LGI4: variants seen among roughly 807,000 people sequenced by gnomAD.
The protein encoded by LGI4 is leucine rich repeat LGI family member 4, also known as leucine-rich repeat LGI family member 4.
Under a neutral mutation model 48.3 loss-of-function variants are expected in LGI4, and 36 were observed. The observed-to-expected ratio is 0.75, with a 90% confidence interval of 0.57 to 0.98. The LOEUF (loss-of-function observed/expected upper bound fraction) is 0.98. Among genes scored for constraint, LGI4 ranks in the 50% least tolerant of loss-of-function variants. The pLI is 0.00. For missense variants in LGI4, 701 were observed against 732.1 expected (o/e 0.96, Z 0.49); for synonymous variants, 355 against 331.6 (o/e 1.07, Z -0.77).
Position 35,125,512 on chromosome 19 carries a change from G to A in LGI4, c.1300-5C>T. ...GGAGCCGTCCCAGCGCATGACCTGT[G>A]GGGGTGTGGCCAGTGAGGGCCTGGG... is the stretch of plus-strand genomic sequence containing the variant. On this transcript the variant is annotated splice_polypyrimidine_tract_variant and splice_region_variant and intron_variant, in intron 8 of 8. Transcript: ENST00000310123. 1 of 1,539,438 alleles carries A rather than the reference G, an allele frequency of 6.5e-7. No homozygotes were observed. Among genetic ancestry groups the A allele is most frequent in the Non-Finnish European group, 8.8e-7 (1 of 1,138,986 alleles).
chr19:35,131,806 C>A lies in LGI4; in HGVS notation c.441G>T (p.Leu147=). ...ETLPRFLFRG[L]DTLTHVDLRG... ...AGCCTCACACATGAGTAAGGGTGTC[C>A]AGGCCTCGGAACAGGAATCTGGGGA... The change falls in exon 5 of 9, where the codon CTG becomes CTT. Residue 147 remains leucine, a synonymous_variant. Transcript: ENST00000310123. 6.4e-7 allele frequency: 1 copy of A among 1,567,556 alleles called. No homozygotes were observed. The highest frequency in any genetic ancestry group is 8.7e-7 in the Non-Finnish European group (1 of 1,155,532).
intron 6 of LGI4, 82 bp downstream of exon 6, chr19:35,131,303 GC>G (rs1568395987): frequency 6.7e-7 from 1 of 1,492,722 alleles, no homozygotes; most frequent in South Asian, 1.2e-5. Flanking sequence ...AAATGGCAGG[GC>G]AGGGAGTGAG....
chr19:35,127,889 G>T (rs1188910312), intron 6 of LGI4, among the ~76,000 whole-genome samples: 1 of 152,212 alleles, frequency 6.6e-6, no homozygotes, highest in East Asian at 1.9e-4. Flanking sequence ...CAGGAGAGAG[G>T]ATTGGAGCTG....
At position 35,126,492 on chromosome 19, in the gene LGI4, G is replaced by A. The variant is rs767396166; in HGVS notation, c.1077C>T (p.His359=). 9.0e-6 allele frequency: 14 copies of A among 1,558,546 alleles called. No homozygotes were observed. Among genetic ancestry groups the A allele is most frequent in the East Asian group, 2.3e-5 (1 of 42,666 alleles). ...GPGFYPHQSL[H]AWHRDTDAEA... The stretch of plus-strand genomic sequence containing the variant: ...CAGCGTCCGTGTCCCGGTGCCAGGC[G>A]TGCAGGCTCTGGTGCGGGTAAAAGC... Residue 359 remains histidine (H), a synonymous_variant, in exon 8 of 9, where the codon CAC becomes CAT. Coordinates refer to ENST00000310123, the MANE Select transcript of LGI4 (RefSeq NM_139284.3).
In LGI4 at chr19:35,125,138, C is replaced by T; in HGVS notation, c.*55G>A. On this transcript the variant is annotated 3_prime_UTR_variant, in exon 9 of 9. Transcript: ENST00000310123. Reference sequence around the variant, plus strand: ...CCATCACCCCAAGTAGGGCCAGGAGCCAGCCAAGGGGCCGTCCAGGGGCCC... The same window carrying T: ...CCATCACCCCAAGTAGGGCCAGGAGTCAGCCAAGGGGCCGTCCAGGGGCCC... The T allele has an allele frequency of 1.4e-6, 2 of 1,457,256 alleles. No individual in the cohort carries two copies. Among genetic ancestry groups the T allele is most frequent in the Non-Finnish European group, 1.8e-6 (2 of 1,088,598 alleles). The allele number at this position is 1,457,256 out of a possible 1,614,324, so 90.3% of individuals were successfully genotyped here.
rs763609114 is a variant in LGI4, at chr19:35,125,424, G to A, written c.1383C>T (p.Ile461=). The change falls in exon 9 of 9, where the codon ATC becomes ATT. Residue 461 remains isoleucine, a synonymous_variant. Transcript: ENST00000310123. ...RGAHVFQPLL[I]ARDQLAILGS... ...CTAGGATGGCCAGCTGGTCCCTGGC[G>A]ATGAGCAGTGGCTGGAAGACGTGGG... 2.3e-5 allele frequency: 37 copies of A among 1,609,354 alleles called. No homozygotes were observed. The East Asian group carries it at 4.2e-4, about 18-fold the overall frequency.
chr19:35,134,482 T>C (rs1227283139), intron 1 of LGI4, 29 bp downstream of exon 1: 2 of 1,562,060 alleles, frequency 1.3e-6, no homozygotes, highest in Admixed American at 3.9e-5. Flanking sequence ...CGTCCCCACC[T>C]TCGGGCATGC....
At chr19:35,133,648 C>A (rs866906776) in intron 3 of LGI4, 45 bp downstream of exon 3, 1 of 1,552,832 alleles carries the variant, frequency 6.4e-7, no homozygotes, top group South Asian at 1.2e-5. Context: ...AGAAGGGTCC[C>A]TCCTTGCCCA....
intron 1 of LGI4, 33 bp from the exon 2 acceptor site, chr19:35,134,137 C>T: frequency 6.5e-7 from 1 of 1,538,338 alleles, no homozygotes; most frequent in Non-Finnish European, 8.8e-7. Context: ...GTGAGAGGGA[C>T]ACCACAGCAA....
Position 35,134,884 on chromosome 19 carries a change from T to C in LGI4, c.-204A>G, listed in dbSNP as rs2065199315. On this transcript the variant is annotated 5_prime_UTR_variant, in exon 1 of 9. Coordinates refer to ENST00000310123, the MANE Select transcript of LGI4 (RefSeq NM_139284.3). Reference sequence around the variant, plus strand: ...TTGGTGTCTAATTTTCTGTTTCTCTTTCTCCCTGTCTTTCTGTCTCTGTAT... The same window carrying C: ...TTGGTGTCTAATTTTCTGTTTCTCTCTCTCCCTGTCTTTCTGTCTCTGTAT... The C allele has an allele frequency of 3.9e-6, 2 of 514,508 alleles. No individual in the cohort carries two copies. The highest frequency in any genetic ancestry group is 3.4e-6 in the Non-Finnish European group (1 of 294,614). 31.9% of individuals were successfully genotyped at this position (514,508 alleles called of 1,614,324 possible). A position where few individuals can be genotyped will look rare whatever the true frequency, so the allele number is the denominator to read the frequency against.
chr19:35,127,008 C>G lies in LGI4; in HGVS notation c.638G>C (p.Trp213Ser), dbSNP rs149529204. 3 of 1,590,522 alleles carry G rather than the reference C, an allele frequency of 1.9e-6. No individual in the cohort carries two copies. The highest frequency in any genetic ancestry group is 2.7e-5 in the African/African-American group (2 of 74,536). Residue 213 changes from tryptophan (W) to serine (S), a missense_variant, in exon 7 of 9, where the codon TGG becomes TCG. Trp to Ser is a radical substitution (Grantham distance 177). Around this residue, in one of 3 missense-constraint regions of LGI4, gnomAD observed 462 missense variants for 436.4 expected, o/e 1.06. Transcript: ENST00000310123. ...TGCCGACTCCCCCACCGTCTGGAAC[C>G]AGGACAGCTCTGTGGGTGGAGAAGA... ...TFKCRAIELS[W>S]FQTVGESALS... is the part of the protein sequence containing the mutation.
chr19:35,134,556 C>G lies in LGI4; in HGVS notation c.125G>C (p.Gly42Ala). The change falls in exon 1 of 9, where the codon GGC becomes GCC. Residue 42 changes from glycine (G) to alanine (A), a missense_variant. Around this residue, in one of 3 missense-constraint regions of LGI4, gnomAD observed 462 missense variants for 436.4 expected, o/e 1.06. Coordinates refer to ENST00000310123, the MANE Select transcript of LGI4 (RefSeq NM_139284.3). ...SCSKDSALCE[G>A]SPDLPVSFSP... ...GAAGCTGACGGGCAGGTCCGGGGAG[C>G]CCTCACACAGGGCGCTGTCTTTAGA... 1.3e-6 allele frequency: 2 copies of G among 1,585,516 alleles called. No homozygotes were observed. Among genetic ancestry groups the G allele is most frequent in the Non-Finnish European group, 1.7e-6 (2 of 1,166,488 alleles).
chr19:35,126,284 T>C lies in LGI4; in HGVS notation c.1285A>G (p.Ile429Val), dbSNP rs776562096. Residue 429 changes from isoleucine (I) to valine (V), a missense_variant, in exon 8 of 9, where the codon ATT (isoleucine) becomes GTT (valine). Ile to Val is a conservative substitution (Grantham distance 29). Around this residue, in one of 3 missense-constraint regions of LGI4, gnomAD observed 223 missense variants for 263.3 expected, o/e 0.85. Coordinates refer to ENST00000310123, the MANE Select transcript of LGI4 (RefSeq NM_139284.3). ...GDVFLCLTRY[I>V]GDSMVMRWDG... ...CCCAGCCTCACCATGGAGTCCCCAA[T>C]GTAGCGTGTGAGGCACAGGAACACG... 3 of 1,611,980 alleles carry C rather than the reference T, an allele frequency of 1.9e-6. No individual in the cohort carries two copies. The highest frequency in any genetic ancestry group is 2.2e-5 in the South Asian group (2 of 90,542).
chr19:35,133,393 T>C (rs1444695091), intron 3 of LGI4: 5 of 1,234,898 alleles, frequency 4.0e-6, no homozygotes, highest in Non-Finnish European at 5.1e-6. Flanking sequence ...TGGGTTTCTA[T>C]GAGTCAGGGA....
chr19:35,127,386 G>A (rs768171188), intron 6 of LGI4, among the ~76,000 whole-genome samples: 20 of 152,004 alleles, frequency 1.3e-4, no homozygotes, highest in Non-Finnish European at 2.4e-4. Flanking sequence ...TTGCTATGTT[G>A]CCCAGGTTGG....
At chr19:35,133,663 C>G in intron 3 of LGI4, 30 bp downstream of exon 3, 1 of 1,571,864 alleles carries the variant, frequency 6.4e-7, no homozygotes, top group Non-Finnish European at 8.6e-7. Flanking sequence ...TGCCCAGACC[C>G]ACCTGCCTCC....
chr19:35,134,008 G>T (rs759208132), intron 2 of LGI4, 25 bp downstream of exon 2: 4 of 1,552,454 alleles, frequency 2.6e-6, no homozygotes. Flanking sequence ...TGAGCTGGTT[G>T]TCGGCCCAGC....
At position 35,128,889 on chromosome 19, in the gene LGI4, C is replaced by T. The variant is rs139080299; in HGVS notation, c.629-1872G>A. Among the ~76,000 whole-genome samples the T allele has an allele frequency of 2.5e-3, 388 of 152,298 alleles. 1 individual carries two copies. Among genetic ancestry groups the T allele is most frequent in the African/African-American group, 8.8e-3 (364 of 41,548 alleles). On this transcript the variant is annotated intron_variant, in intron 6 of 8. Coordinates refer to ENST00000310123, the MANE Select transcript of LGI4 (RefSeq NM_139284.3). Reference sequence around the variant, plus strand: ...ACACTGTATGCTGCCTCAGGGCCACCGGCCAGGCTGTTCCCTCTCTCTGAA... The same window carrying T: ...ACACTGTATGCTGCCTCAGGGCCACTGGCCAGGCTGTTCCCTCTCTCTGAA...
At chr19:35,128,786 G>A (rs2065156667) in intron 6 of LGI4, among the ~76,000 whole-genome samples, 1 of 152,070 alleles carries the variant, frequency 6.6e-6, no homozygotes, top group Non-Finnish European at 1.5e-5. Context: ...TCCTCTCTGT[G>A]GCTTCCAAAA....
Sources: gnomAD v4.1 joint callset for allele counts (sites outside exome capture counted in the v4.1 genomes callset) on GRCh38, gnomAD v4.1.1 for gene constraint, gnomAD v4.1.1 regional missense constraint, MANE v1.5 for transcripts, NCBI Gene and HGNC (gene_info 2026-07-23, HGNC 2026-07-21) for gene names.